The following COPG2 variants were observed in gnomAD, a reference collection of about 807,000 sequenced individuals.
COPG2 encodes coatomer subunit gamma-2.
COPG2 carries 37 observed loss-of-function variants against 46.3 expected under a neutral mutation model. The observed-to-expected ratio is 0.80, with a 90% CI of 0.61 to 1.05. The LOEUF (loss-of-function observed/expected upper bound fraction) is 1.05. Among genes scored for constraint, COPG2 ranks in the 50% least tolerant of loss-of-function variants. The pLI is 0.00. For synonymous variants in COPG2, 159 were observed against 129.7 expected, an observed-to-expected ratio of 1.23 and a Z score of -1.53; for missense variants, 427 against 387.8, an observed-to-expected ratio of 1.10 and a Z score of -0.85.
At chr7:130,516,042 C>T (rs1208182228) in intron 20 of COPG2, among the ~76,000 whole-genome samples, 2 of 152,150 alleles carry the variant, frequency 1.3e-5, no homozygotes, top group Non-Finnish European at 1.5e-5. Flanking sequence ...ATCCAAAAGA[C>T]AGTACTGAAT....
At chr7:130,662,921 A>C in intron 4 of COPG2, 46 bp downstream of exon 4, 1 of 1,158,732 alleles carries the variant, frequency 8.6e-7, no homozygotes. Flanking sequence ...GGGGAAAATA[A>C]ATAAAAGGAG....
rs567861315 is a variant in COPG2 at position 130,632,988 on chromosome 7, T to C, written c.324-15923A>G. ...CAACTCCCACCTATGAGTGAGAACA[T>C]GCAGTGTTTGGTTTTCTGTTCCCGT... is the stretch of plus-strand genomic sequence containing the variant. On this transcript the variant is annotated intron_variant, in intron 5 of 23. Coordinates refer to ENST00000425248, the MANE Select transcript of COPG2 (RefSeq NM_012133.6). Among the ~76,000 whole-genome samples, 29 of 152,278 alleles carry C rather than the reference T, an allele frequency of 1.9e-4. 1 individual carries two copies. In the East Asian group the frequency reaches 4.8e-3, roughly 25 times the overall value.
In COPG2 at chr7:130,663,005, C is replaced by T; in HGVS notation, c.205G>A (p.Ala69Thr). 1 of 1,548,406 alleles carries T rather than the reference C, an allele frequency of 6.5e-7. No homozygotes were observed. The highest frequency in any genetic ancestry group is 2.1e-5 in the Admixed American group (1 of 47,998). Residue 69 changes from alanine to threonine, a missense_variant, in exon 4 of 24, where the codon GCC (alanine) becomes ACC (threonine). Coordinates refer to ENST00000425248, the MANE Select transcript of COPG2 (RefSeq NM_012133.6). Reference protein sequence around the residue: ...EHFGTTEATEAFFAMTRLFQS... With the variant: ...EHFGTTEATETFFAMTRLFQS... ...AACAATCGCGTCATTGCAAAGAAGGCTTCTGTAGCTTCCGTTGTTCCAAAG... is the reference window on the plus strand; with the variant it reads ...AACAATCGCGTCATTGCAAAGAAGGTTTCTGTAGCTTCCGTTGTTCCAAAG...
At chr7:130,612,996 G>A (rs1430053589) in intron 7 of COPG2, among the ~76,000 whole-genome samples, 4 of 152,160 alleles carry the variant, frequency 2.6e-5, no homozygotes, top group African/African-American at 7.2e-5. Flanking sequence ...ATAACTTTCA[G>A]ATTTCCAAAA....
At chr7:130,612,571 T>A (rs1794871927) in intron 7 of COPG2, among the ~76,000 whole-genome samples, 1 of 152,132 alleles carries the variant, frequency 6.6e-6, no homozygotes, top group Admixed American at 6.6e-5. Flanking sequence ...GAAACTCCCC[T>A]GGAAGAAAGA....
At chr7:130,616,480 C>T (rs1794951235) in intron 6 of COPG2, among the ~76,000 whole-genome samples, 1 of 152,006 alleles carries the variant, frequency 6.6e-6, no homozygotes, top group African/African-American at 2.4e-5. Flanking sequence ...ATCCCAGCTA[C>T]TCAGGAGGCT....
At chr7:130,633,175 T>C (rs1795263154) in intron 5 of COPG2, among the ~76,000 whole-genome samples, 1 of 152,238 alleles carries the variant, frequency 6.6e-6, no homozygotes, top group African/African-American at 2.4e-5. Flanking sequence ...TCCAAGTGTT[T>C]GCTATTGTGA....
At chr7:130,648,591 T>C (rs983702815) in intron 5 of COPG2, among the ~76,000 whole-genome samples, 11 of 152,128 alleles carry the variant, frequency 7.2e-5, no homozygotes, top group Admixed American at 7.2e-4. Context: ...GCTCCCAAAA[T>C]ACAAGGACGG....
At chr7:130,651,702 G>C (rs1795751217) in intron 5 of COPG2, among the ~76,000 whole-genome samples, 3 of 151,026 alleles carry the variant, frequency 2.0e-5, no homozygotes, top group African/African-American at 7.3e-5. Context: ...ATTTTTAGTA[G>C]AGACGGGGTT....
At chr7:130,628,712 T>C (rs1284923462) in intron 5 of COPG2, among the ~76,000 whole-genome samples, 1 of 152,130 alleles carries the variant, frequency 6.6e-6, no homozygotes, top group African/African-American at 2.4e-5. Context: ...TCTTGCAGAG[T>C]AAGACAGCTA....
At chr7:130,606,423 A>T (rs1306241240) in intron 9 of COPG2, among the ~76,000 whole-genome samples, 1 of 152,234 alleles carries the variant, frequency 6.6e-6, no homozygotes, top group Admixed American at 6.5e-5. Flanking sequence ...AACTGCCTAC[A>T]GAAATTTGGA....
intron 20 of COPG2, among the ~76,000 whole-genome samples, chr7:130,540,991 T>A (rs973212909): frequency 5.3e-5 from 8 of 152,080 alleles, no homozygotes; most frequent in Non-Finnish European, 1.2e-4. Context: ...ATAGGCCGCC[T>A]TGGGGTCCTG....
At chr7:130,639,274 T>C (rs772161393) in intron 5 of COPG2, among the ~76,000 whole-genome samples, 1 of 152,214 alleles carries the variant, frequency 6.6e-6, no homozygotes, top group Non-Finnish European at 1.5e-5. Flanking sequence ...GTTTTGTATA[T>C]ATAGCTCACT....
chr7:130,621,444 C>G (rs1795036501), intron 5 of COPG2, among the ~76,000 whole-genome samples: 1 of 152,204 alleles, frequency 6.6e-6, no homozygotes, highest in South Asian at 2.1e-4. Context: ...CACAACTACT[C>G]AATTCTGTAG....
intron 9 of COPG2, among the ~76,000 whole-genome samples, chr7:130,574,651 C>T (rs553997878): frequency 6.6e-6 from 1 of 151,938 alleles, no homozygotes; most frequent in Admixed American, 6.6e-5. Flanking sequence ...ACACCTCCCC[C>T]CCCAAAAAAA....
At chr7:130,530,459 G>C (rs944360253) in intron 20 of COPG2, among the ~76,000 whole-genome samples, 3 of 152,192 alleles carry the variant, frequency 2.0e-5, no homozygotes, top group African/African-American at 7.2e-5. Flanking sequence ...CTGAATCAGT[G>C]GAAGATCTGG....
Position 130,630,121 on chromosome 7 carries a change from C to T in COPG2, c.324-13056G>A, listed in dbSNP as rs546495938. On this transcript the variant is annotated intron_variant, in intron 5 of 23. Coordinates refer to ENST00000425248, the MANE Select transcript of COPG2 (RefSeq NM_012133.6). Reference sequence around the variant, plus strand: ...AGAGATGGGGTTTCACCATGTTGGCCAGGATGGTCTCGATCTCTTGACTTC... The same window carrying T: ...AGAGATGGGGTTTCACCATGTTGGCTAGGATGGTCTCGATCTCTTGACTTC... Among the ~76,000 whole-genome samples, 11 of 152,096 alleles carry T rather than the reference C, an allele frequency of 7.2e-5. No individual in the cohort carries two copies. In the South Asian group the frequency reaches 1.9e-3, roughly 26 times the overall value.
At chr7:130,595,970 T>C (rs995926474) in intron 9 of COPG2, among the ~76,000 whole-genome samples, 2 of 152,170 alleles carry the variant, frequency 1.3e-5, no homozygotes, top group Non-Finnish European at 2.9e-5. Context: ...ACAGCCTGAC[T>C]CCCCTCAGCC....
chr7:130,589,281 CTT>C (rs782136713), intron 9 of COPG2, among the ~76,000 whole-genome samples: 3 of 145,258 alleles, frequency 2.1e-5, no homozygotes, highest in East Asian at 2.0e-4. Flanking sequence ...TACAGGTTTA[CTT>C]TTTTTTTTTT....
Sources: allele counts gnomAD v4.1 joint callset (sites outside exome capture counted in the v4.1 genomes callset), GRCh38; gene constraint gnomAD v4.1.1; transcripts MANE v1.5; gene names NCBI Gene and HGNC (gene_info 2026-07-23, HGNC 2026-07-21).